The following PLXNA4 variants were observed in gnomAD, a reference collection of about 807,000 sequenced individuals.
PLXNA4 encodes plexin-A4.
A neutral mutation model predicts 191.8 loss-of-function variants in PLXNA4; 44 were observed. That is an observed-to-expected ratio of 0.23 (90% CI 0.18 to 0.29). The LOEUF (loss-of-function observed/expected upper bound fraction) is 0.29, where lower values mean the gene tolerates loss of function less well. Among genes scored for constraint, PLXNA4 ranks in the 10% least tolerant of loss-of-function variants. The pLI is 1.00. For synonymous variants in PLXNA4, 1,082 were observed against 1,009.5 expected, an observed-to-expected ratio of 1.07 and a Z score of -1.36; for missense variants, 1,800 against 2,488.8, an observed-to-expected ratio of 0.72 and a Z score of 5.89.
intron 2 of PLXNA4, among the ~76,000 whole-genome samples, chr7:132,633,845 G>T (rs558885677): frequency 6.6e-6 from 1 of 151,920 alleles, no homozygotes; most frequent in South Asian, 2.1e-4. Flanking sequence ...CCTGTGATTC[G>T]CCTCCTCCCA....
chr7:132,147,746 C>A (rs1795477554), intron 27 of PLXNA4, among the ~76,000 whole-genome samples, 154 bp downstream of exon 27: 1 of 152,138 alleles, frequency 6.6e-6, no homozygotes, highest in South Asian at 2.1e-4. Context: ...AACCAGGGTC[C>A]TCTTCCCCCA....
rs367944760 is a variant in PLXNA4, at chr7:132,585,239, T to A, written c.-87+60689A>T. On this transcript the variant is annotated intron_variant, in intron 2 of 4. Transcript: ENST00000378539. ...GCTTTAGATCAAGTCAAAGGAAATATCCTTCTACATTGGAGTCAGTAAACT... is the reference window on the plus strand; with the variant it reads ...GCTTTAGATCAAGTCAAAGGAAATAACCTTCTACATTGGAGTCAGTAAACT... Among the ~76,000 whole-genome samples, 5 of 152,290 alleles carry A rather than the reference T, an allele frequency of 3.3e-5. No homozygotes were observed. In the East Asian group the frequency reaches 5.8e-4, roughly 18 times the overall value.
chr7:132,576,731 AC>A, upstream of PLXNA4: 1 of 410,152 alleles, frequency 2.4e-6, no homozygotes, highest in Non-Finnish European at 3.3e-6. The surrounding 1 kb of genome is among the most constrained non-coding windows in gnomAD (Gnocchi z 5.8). Context: ...CCTTTCCTCC[AC>A]CCAGCCCCGG....
chr7:132,283,998 C>G (rs1020439999), intron 4 of PLXNA4, among the ~76,000 whole-genome samples: 3 of 152,178 alleles, frequency 2.0e-5, no homozygotes, highest in Non-Finnish European at 4.4e-5. Context: ...ACAGCAAGAC[C>G]TCATCTCTAC....
intron 4 of PLXNA4, among the ~76,000 whole-genome samples, chr7:132,263,205 T>G (rs1584917448): frequency 6.6e-6 from 1 of 152,082 alleles, no homozygotes; most frequent in African/African-American, 2.4e-5. Context: ...AGATGCAAAA[T>G]GGGAACTTCT....
At position 132,180,745 on chromosome 7, in the gene PLXNA4, G is replaced by A; in HGVS notation, c.3493-13C>T. On this transcript the variant is annotated splice_polypyrimidine_tract_variant and intron_variant, in intron 18 of 31. Transcript: ENST00000321063. Reference sequence around the variant, plus strand: ...TCAGGTTCTTGCCCTGTACAAATGGGAAAGCACCAGTTCCCACCCCAGAGT... The same window carrying A: ...TCAGGTTCTTGCCCTGTACAAATGGAAAAGCACCAGTTCCCACCCCAGAGT... 1 of 1,608,378 alleles carries A rather than the reference G, an allele frequency of 6.2e-7. No individual in the cohort carries two copies. Among genetic ancestry groups the A allele is most frequent in the Non-Finnish European group, 8.5e-7 (1 of 1,175,280 alleles).
chr7:132,607,780 A>T (rs1001906986), intron 2 of PLXNA4, among the ~76,000 whole-genome samples: 1 of 152,148 alleles, frequency 6.6e-6, no homozygotes, highest in Admixed American at 6.6e-5. Flanking sequence ...CATTATCACC[A>T]TCACCACCAT....
intron 4 of PLXNA4, among the ~76,000 whole-genome samples, chr7:132,289,661 T>A (rs1800813014): frequency 6.6e-6 from 1 of 151,902 alleles, no homozygotes; most frequent in Admixed American, 6.6e-5. Context: ...GCCTCCTGAG[T>A]AGCTGGGACT....
chr7:132,200,355 G>GT (rs975591901), intron 12 of PLXNA4, among the ~76,000 whole-genome samples: 2 of 152,214 alleles, frequency 1.3e-5, no homozygotes, highest in African/African-American at 4.8e-5. Context: ...CACAGAGCAG[G>GT]TGTGAAGGTG....
chr7:132,521,852 C>G (rs1014137858), intron 1 of PLXNA4, among the ~76,000 whole-genome samples: 1 of 152,200 alleles, frequency 6.6e-6, no homozygotes, highest in African/African-American at 2.4e-5. Context: ...GCTGACATAA[C>G]AGATTCCCTC....
chr7:132,414,392 C>A (rs1400439167), intron 3 of PLXNA4, among the ~76,000 whole-genome samples: 1 of 152,108 alleles, frequency 6.6e-6, no homozygotes, highest in African/African-American at 2.4e-5. Flanking sequence ...CATCATGTAA[C>A]CTTTTTGCTG....
At chr7:132,227,116 G>A (rs1278508898) in intron 7 of PLXNA4, among the ~76,000 whole-genome samples, 12 of 152,130 alleles carry the variant, frequency 7.9e-5, no homozygotes, top group East Asian at 1.9e-4. Flanking sequence ...CCACTGACCC[G>A]CCAAGCCAGT....
At chr7:132,362,025 C>A (rs1278820087) in intron 3 of PLXNA4, among the ~76,000 whole-genome samples, 2 of 152,182 alleles carry the variant, frequency 1.3e-5, no homozygotes, top group East Asian at 3.8e-4. Flanking sequence ...AGGCAATCCA[C>A]AAATGAAAAC....
chr7:132,196,033 T>C (rs1371877078), intron 13 of PLXNA4, among the ~76,000 whole-genome samples: 1 of 152,196 alleles, frequency 6.6e-6, no homozygotes, highest in Non-Finnish European at 1.5e-5. Context: ...TGAAACAAAA[T>C]AGAAAGTACA....
chr7:132,526,525 C>T (rs866870344), intron 1 of PLXNA4, among the ~76,000 whole-genome samples: 15 of 152,294 alleles, frequency 9.8e-5, no homozygotes, highest in African/African-American at 3.1e-4. Context: ...TCAAAGGCCC[C>T]GCCAACCCAC....
Position 132,503,503 on chromosome 7 carries a change from G to A in PLXNA4, c.1188+4003C>T, listed in dbSNP as rs572411278. Among the ~76,000 whole-genome samples, 50 of 152,170 alleles carry A rather than the reference G, an allele frequency of 3.3e-4. 1 individual carries two copies. In the Middle Eastern group the frequency reaches 0.01, roughly 31 times the overall value. ...GCCCACTCCAAGTCAGGAGTGTCAG[G>A]TCCCCCCCAGAGAAGGACAGACAGC... On this transcript the variant is annotated intron_variant, in intron 2 of 31. Coordinates refer to ENST00000321063, the MANE Select transcript of PLXNA4 (RefSeq NM_020911.2).
intron 1 of PLXNA4, among the ~76,000 whole-genome samples, chr7:132,509,833 C>T (rs996965324): frequency 2.6e-5 from 4 of 152,188 alleles, no homozygotes; most frequent in African/African-American, 9.7e-5. Context: ...CCCACATCCT[C>T]AATCTCGTCA....
At chr7:132,559,450 A>G (rs1385673446) in intron 1 of PLXNA4, among the ~76,000 whole-genome samples, 1 of 152,218 alleles carries the variant, frequency 6.6e-6, no homozygotes, top group Non-Finnish European at 1.5e-5. Context: ...AGCTAAAGAC[A>G]TTCTTTGGGC....
intron 20 of PLXNA4, among the ~76,000 whole-genome samples, chr7:132,176,617 C>CTGCAT (rs1796470159): frequency 1.6e-5 from 1 of 62,992 alleles, no homozygotes; most frequent in African/African-American, 9.8e-5. Context: ...TGTATGACTG[C>CTGCAT]ATGTGTGTGT....
Sources: allele counts gnomAD v4.1 joint callset (sites outside exome capture counted in the v4.1 genomes callset), GRCh38; gene constraint gnomAD v4.1.1; non-coding constraint Gnocchi (gnomAD v3.1); transcripts MANE v1.5; gene names NCBI Gene and HGNC (gene_info 2026-07-23, HGNC 2026-07-21).